CACNA2D1: variants seen among roughly 807,000 people sequenced by gnomAD.
The protein encoded by CACNA2D1 is voltage-dependent calcium channel subunit alpha-2/delta-1.
A neutral mutation model predicts 171.5 loss-of-function variants in CACNA2D1; 53 were observed. The observed-to-expected ratio is 0.31, with a 90% CI of 0.25 to 0.39. The LOEUF (loss-of-function observed/expected upper bound fraction) is 0.39. CACNA2D1 is among the 10% of genes least tolerant of loss of function. The pLI is 1.00. For missense variants in CACNA2D1, 903 were observed against 1,299.8 expected (o/e 0.69, Z 4.69); for synonymous variants, 442 against 443.1 (o/e 1.00, Z 0.03).
chr7:82,230,043 G>T (rs1352779546), intron 3 of CACNA2D1, among the ~76,000 whole-genome samples: 1 of 152,134 alleles, frequency 6.6e-6, no homozygotes, highest in Non-Finnish European at 1.5e-5. Context: ...CTTTGTGTTG[G>T]AGTATAATAT....
chr7:82,060,211 A>AATATATATATAATATATATATATTAT (rs1562982132), intron 10 of CACNA2D1, among the ~76,000 whole-genome samples: 1 of 31,336 alleles, frequency 3.2e-5, no homozygotes, highest in African/African-American at 1.1e-4. Context: ...TTATATATAT[A>AATATATATATAATATATATATATTAT]ATATATATAT....
chr7:82,251,527 A>C (rs944139338), intron 3 of CACNA2D1, among the ~76,000 whole-genome samples: 4 of 152,194 alleles, frequency 2.6e-5, no homozygotes, highest in Admixed American at 1.3e-4. Flanking sequence ...ACAATGTATT[A>C]TCATTGTGCT....
chr7:82,040,744 A>G (rs1193100687), intron 10 of CACNA2D1, among the ~76,000 whole-genome samples: 3 of 151,990 alleles, frequency 2.0e-5, no homozygotes, highest in Non-Finnish European at 4.4e-5. Context: ...GGAGGCCAAG[A>G]CGGGTGGATC....
At chr7:82,299,062 A>AC (rs1178506189) in intron 3 of CACNA2D1, among the ~76,000 whole-genome samples, 1 of 132,230 alleles carries the variant, frequency 7.6e-6, no homozygotes, top group African/African-American at 2.8e-5. Flanking sequence ...GACTCTGTCA[A>AC]AAAAAAAAAA....
chr7:82,150,435 A>G (rs1793739498), intron 4 of CACNA2D1, among the ~76,000 whole-genome samples: 1 of 151,902 alleles, frequency 6.6e-6, no homozygotes, highest in Non-Finnish European at 1.5e-5. Context: ...AAAAAAAAAA[A>G]AAAATTGAAA....
At position 82,332,302 on chromosome 7, in the gene CACNA2D1, C is replaced by A. The variant is rs184623796; in HGVS notation, c.294+2833G>T. Among the ~76,000 whole-genome samples the A allele has an allele frequency of 1.3e-4, 20 of 152,140 alleles. No homozygotes were observed. In the East Asian group the frequency reaches 3.9e-3, roughly 29 times the overall value. On this transcript the variant is annotated intron_variant, in intron 3 of 38. Coordinates refer to ENST00000356860, the MANE Select transcript of CACNA2D1 (RefSeq NM_000722.4). Reference sequence around the variant, plus strand: ...ATCTTGAACTCCTGACCTCAGCTCCCACCTCGGCCTCCCAAAGTGCTGAGA... The same window carrying A: ...ATCTTGAACTCCTGACCTCAGCTCCAACCTCGGCCTCCCAAAGTGCTGAGA...
chr7:82,240,269 T>C (rs1804093577), intron 3 of CACNA2D1, among the ~76,000 whole-genome samples: 1 of 152,152 alleles, frequency 6.6e-6, no homozygotes, highest in Admixed American at 6.5e-5. Flanking sequence ...AACTCATAAG[T>C]TTATTTTGGT....
chr7:82,115,848 A>G (rs892297855), intron 6 of CACNA2D1, among the ~76,000 whole-genome samples: 1 of 152,148 alleles, frequency 6.6e-6, no homozygotes, highest in Non-Finnish European at 1.5e-5. Context: ...AGCACTTACT[A>G]TGAGCCTGGC....
At chr7:82,248,872 C>T (rs1388672817) in intron 3 of CACNA2D1, among the ~76,000 whole-genome samples, 1 of 151,566 alleles carries the variant, frequency 6.6e-6, no homozygotes, top group African/African-American at 2.4e-5. Flanking sequence ...AATCCCAGCA[C>T]TTTGGGAGGC....
At chr7:82,287,405 G>C (rs889354694) in intron 3 of CACNA2D1, among the ~76,000 whole-genome samples, 1 of 152,046 alleles carries the variant, frequency 6.6e-6, no homozygotes, top group Non-Finnish European at 1.5e-5. Flanking sequence ...GGATGTTCTG[G>C]AGAAATAACC....
chr7:82,224,955 G>A (rs1382020676), intron 3 of CACNA2D1, among the ~76,000 whole-genome samples: 1 of 152,020 alleles, frequency 6.6e-6, no homozygotes, highest in Non-Finnish European at 1.5e-5. Flanking sequence ...ACTATTTAAT[G>A]ATCATGACGT....
At chr7:82,176,999 T>G (rs1250666246) in intron 3 of CACNA2D1, among the ~76,000 whole-genome samples, 1 of 147,562 alleles carries the variant, frequency 6.8e-6, no homozygotes, top group Non-Finnish European at 1.5e-5. Flanking sequence ...GATGCAAATA[T>G]CTCAAAGGAC....
chr7:81,999,834 T>A (rs1383401888), intron 18 of CACNA2D1, among the ~76,000 whole-genome samples: 3 of 152,204 alleles, frequency 2.0e-5, no homozygotes, highest in African/African-American at 7.2e-5. Context: ...ATAGGAATTA[T>A]AAAAGATATG....
intron 22 of CACNA2D1, among the ~76,000 whole-genome samples, chr7:81,984,062 A>C (rs1286356240): frequency 1.3e-5 from 2 of 152,146 alleles, no homozygotes; most frequent in Non-Finnish European, 2.9e-5. Flanking sequence ...AATGAGGCTT[A>C]AAAAAATTAA....
chr7:82,103,567 G>GT (rs1246019305), intron 6 of CACNA2D1, among the ~76,000 whole-genome samples: 1 of 152,034 alleles, frequency 6.6e-6, no homozygotes, highest in Non-Finnish European at 1.5e-5. Context: ...ATGATTACCA[G>GT]TTACTCAAAT....
intron 1 of CACNA2D1, among the ~76,000 whole-genome samples, chr7:82,368,516 T>A (rs1411803773): frequency 6.6e-6 from 1 of 152,236 alleles, no homozygotes; most frequent in Non-Finnish European, 1.5e-5. Flanking sequence ...CAAATCCATG[T>A]ACTATTTTAC....
At chr7:82,123,160 C>G (rs1219207004) in intron 5 of CACNA2D1, among the ~76,000 whole-genome samples, 1 of 152,020 alleles carries the variant, frequency 6.6e-6, no homozygotes, top group Non-Finnish European at 1.5e-5. Context: ...GGAAAGCAGC[C>G]CCAAAAACAT....
intron 5 of CACNA2D1, among the ~76,000 whole-genome samples, chr7:82,128,685 G>A (rs998404592): frequency 2.6e-5 from 4 of 152,070 alleles, no homozygotes; most frequent in Non-Finnish European, 4.4e-5. Context: ...AAACACGAAA[G>A]AACAGTAGAA....
intron 1 of CACNA2D1, among the ~76,000 whole-genome samples, chr7:82,415,016 T>C (rs186762672): frequency 6.6e-6 from 1 of 152,358 alleles, no homozygotes; most frequent in East Asian, 1.9e-4. Flanking sequence ...TTAGCTCCCT[T>C]TTTTATTAAA....
Sources: gnomAD v4.1 joint callset for allele counts (sites outside exome capture counted in the v4.1 genomes callset) on GRCh38, gnomAD v4.1.1 for gene constraint, MANE v1.5 for transcripts, NCBI Gene and HGNC (gene_info 2026-07-23, HGNC 2026-07-21) for gene names.